VPS26C: variants seen among roughly 807,000 people sequenced by gnomAD.
The protein encoded by VPS26C is vacuolar protein sorting-associated protein 26C.
In VPS26C, 19 loss-of-function variants were observed where a neutral mutation model predicts 30.6. That is an observed-to-expected ratio of 0.62 (90% CI 0.43 to 0.91). VPS26C has a LOEUF of 0.91. VPS26C is among the 40% of genes least tolerant of loss of function. The pLI is 0.00. For missense variants in VPS26C, 318 were observed against 385.1 expected (o/e 0.83, Z 1.46); for synonymous variants, 132 against 151.5 (o/e 0.87, Z 0.95).
At chr21:37,238,696 C>T in intron 2 of VPS26C, 87 bp from the exon 3 acceptor site, 5 of 1,515,356 alleles carry the variant, frequency 3.3e-6, no homozygotes, top group Non-Finnish European at 4.5e-6. Context: ...GACACAGCAC[C>T]CCGACCCCCT....
At chr21:37,250,535 G>A (rs1049352516) in intron 1 of VPS26C, among the ~76,000 whole-genome samples, 2 of 152,024 alleles carry the variant, frequency 1.3e-5, no homozygotes, top group South Asian at 4.1e-4. Flanking sequence ...GATAAACTAG[G>A]TAAAATACCT....
At chr21:37,232,879 G>A (rs1304541410) in intron 4 of VPS26C, among the ~76,000 whole-genome samples, 3 of 152,194 alleles carry the variant, frequency 2.0e-5, no homozygotes, top group Admixed American at 1.3e-4. Context: ...CTGGGGGGCT[G>A]AGCATTGAAC....
chr21:37,227,790 A>T lies in VPS26C; in HGVS notation c.675T>A (p.Tyr225Ter). The change falls in exon 7 of 8, where the codon TAT (tyrosine) becomes TAA (stop). Residue 225 changes from tyrosine to a stop codon, truncating the protein, a stop_gained. Transcript: ENST00000309117. LOFTEE classifies it high-confidence loss of function. ...RVETCGCAEGYARDATEIQNI... is the reference protein window; with the variant it reads ...RVETCGCAEG ...TCTGAATCTCCGTGGCGTCGCGGGCATAGCCTTCTGCACACCCTGCGGGAG... is the reference window on the plus strand; with the variant it reads ...TCTGAATCTCCGTGGCGTCGCGGGCTTAGCCTTCTGCACACCCTGCGGGAG... The T allele has an allele frequency of 6.2e-7, 1 of 1,614,034 alleles. No homozygotes were observed. Among genetic ancestry groups the T allele is most frequent in the East Asian group, 2.2e-5 (1 of 44,876 alleles).
intron 1 of VPS26C, among the ~76,000 whole-genome samples, chr21:37,258,450 C>G (rs1194861099): frequency 1.3e-5 from 2 of 152,250 alleles, no homozygotes; most frequent in African/African-American, 4.8e-5. Context: ...CGCCCCGAAC[C>G]TGATGAACGC....
chr21:37,238,289 A>C, intron 3 of VPS26C, 171 bp downstream of exon 3: 1 of 725,944 alleles, frequency 1.4e-6, no homozygotes, highest in Non-Finnish European at 2.2e-6. Context: ...GCCATACATC[A>C]AATGCATTTA....
chr21:37,233,268 A>G lies in VPS26C; in HGVS notation c.432+94T>C, dbSNP rs115406859. On this transcript the variant is annotated intron_variant, in intron 4 of 7. Transcript: ENST00000309117. This position sits in a 1 kb window ranked among gnomAD's most constrained non-coding sequence, Gnocchi z 5.2. ...TTCTGCCAGCACCCGTGAAACAGTA[A>G]GAGGCTAAATGGTGAGCTTGTAAAT... 3,254 of 1,099,620 alleles carry G rather than the reference A, an allele frequency of 3.0e-3. 58 individuals are homozygous for G. The African/African-American group carries it at 0.041, about 14-fold the overall frequency. The allele number at this position is 1,099,620 out of a possible 1,614,324, so 68.1% of individuals were successfully genotyped here.
chr21:37,250,281 G>T (rs2086178640), intron 1 of VPS26C, among the ~76,000 whole-genome samples: 1 of 151,748 alleles, frequency 6.6e-6, no homozygotes, highest in Non-Finnish European at 1.5e-5. Flanking sequence ...CTCCTGCCTG[G>T]GTGATAGAGT....
chr21:37,264,960 G>C (rs1367473888), intron 1 of VPS26C, among the ~76,000 whole-genome samples: 1 of 152,158 alleles, frequency 6.6e-6, no homozygotes, highest in Non-Finnish European at 1.5e-5. Flanking sequence ...CCACAGAAAG[G>C]AATGAGGAAC....
chr21:37,267,413 G>A, upstream of VPS26C: 3 of 856,260 alleles, frequency 3.5e-6, no homozygotes, highest in East Asian at 2.5e-5. Flanking sequence ...AGTGGCTCAC[G>A]TGACCTCGCA....
In VPS26C at chr21:37,257,887, G is replaced by C. The variant is rs2148306950; in HGVS notation, c.57+9351C>G. 6.6e-6 allele frequency among the ~76,000 whole-genome samples: 1 copy of C among 152,336 alleles called. No homozygotes were observed. The highest frequency in any genetic ancestry group is 1.9e-4 in the East Asian group (1 of 5,174). ...CTGCTGCCTCCGGGTGGGGCACCAA[G>C]CGGGGAGCGGGGCCACGAGGCAGGG... On this transcript the variant is annotated intron_variant, in intron 1 of 7. Coordinates refer to ENST00000309117, the MANE Select transcript of VPS26C (RefSeq NM_006052.2). This position sits in a 1 kb window ranked among gnomAD's most constrained non-coding sequence, Gnocchi z 4.2.
intron 3 of VPS26C, among the ~76,000 whole-genome samples, chr21:37,234,412 A>T (rs1247922176): frequency 6.6e-6 from 1 of 152,188 alleles, no homozygotes; most frequent in African/African-American, 2.4e-5. Flanking sequence ...CTGCAAGGTG[A>T]GCTCTATTCC....
At position 37,233,367 on chromosome 21, in the gene VPS26C, A is replaced by G. The variant is rs2085986560; in HGVS notation, c.427T>C (p.Ser143Pro). 2 of 1,613,768 alleles carry G rather than the reference A, an allele frequency of 1.2e-6. No homozygotes were observed. Among genetic ancestry groups the G allele is most frequent in the Non-Finnish European group, 1.7e-6 (2 of 1,179,746 alleles). ...LTKTCEFIVH[S>P]APQKGKFTPS... Reference sequence around the variant, plus strand: ...AGTCCCCGAGTGAAGCTTACAGCGGAGTGAACGATAAATTCACAGGTCTTT... The same window carrying G: ...AGTCCCCGAGTGAAGCTTACAGCGGGGTGAACGATAAATTCACAGGTCTTT... Residue 143 changes from serine to proline, a missense_variant, in exon 4 of 8, where the codon TCC becomes CCC. Physicochemically the swap from Ser to Pro is moderately conservative, Grantham distance 74. Transcript: ENST00000309117. This position sits in a 1 kb window ranked among gnomAD's most constrained non-coding sequence, Gnocchi z 5.2.
intron 1 of VPS26C, among the ~76,000 whole-genome samples, chr21:37,265,826 G>A (rs773014022): frequency 2.0e-5 from 3 of 151,422 alleles, no homozygotes; most frequent in Non-Finnish European, 4.4e-5. Flanking sequence ...CTCATTAGTT[G>A]TGATGGTGAA....
intron 4 of VPS26C, among the ~76,000 whole-genome samples, chr21:37,232,937 T>C (rs548730592): frequency 6.6e-6 from 1 of 152,320 alleles, no homozygotes; most frequent in African/African-American, 2.4e-5. Context: ...AGCTGTCACC[T>C]GAAGAATCAT....
At chr21:37,261,992 T>TTA (rs2086309246) in intron 1 of VPS26C, 2 of 152,058 alleles carry the variant, frequency 1.3e-5, no homozygotes, top group Admixed American at 1.3e-4. Flanking sequence ...GAGTAGTACT[T>TTA]AGTGGGAAAT....
Position 37,228,122 on chromosome 21 carries a change from C to T in VPS26C, c.658+101G>A, listed in dbSNP as rs562518872. On this transcript the variant is annotated intron_variant, in intron 6 of 7. Coordinates refer to ENST00000309117, the MANE Select transcript of VPS26C (RefSeq NM_006052.2). ...CTGAGTAGCTGGGATTACAGGGGTG[C>T]GCCACTGTGCCCAGCCCCCCAGCAT... 169 of 1,481,698 alleles carry T rather than the reference C, an allele frequency of 1.1e-4. 4 individuals carry two copies. The South Asian group carries it at 2.0e-3, about 17-fold the overall frequency. The allele number at this position is 1,481,698 out of a possible 1,614,324, so 91.8% of individuals were successfully genotyped here. A position where few individuals can be genotyped will look rare whatever the true frequency, so the allele number is the denominator to read the frequency against.
At position 37,248,218 on chromosome 21, in the gene VPS26C, G is replaced by A. The variant is rs367754007; in HGVS notation, c.58-7579C>T. On this transcript the variant is annotated intron_variant, in intron 1 of 7. Transcript: ENST00000309117. ...ACATATCAACAGGGTATAATGAACT[G>A]GCATACATAGATCTCTATACCCTGA... 1.4e-4 allele frequency among the ~76,000 whole-genome samples: 22 copies of A among 151,730 alleles called. No individual in the cohort carries two copies. The South Asian group carries it at 4.4e-3, about 30-fold the overall frequency.
intron 1 of VPS26C, among the ~76,000 whole-genome samples, chr21:37,259,466 G>T (rs943301192): frequency 2.6e-5 from 4 of 152,102 alleles, no homozygotes; most frequent in Non-Finnish European, 5.9e-5. Flanking sequence ...TCATTTTCAT[G>T]AGTACATGTG....
chr21:37,228,105 C>T (rs2085921683), intron 6 of VPS26C, 118 bp downstream of exon 6: 1 of 1,415,556 alleles, frequency 7.1e-7, no homozygotes, highest in Non-Finnish European at 9.5e-7. Flanking sequence ...TCCTGAGTAG[C>T]TGGGATTACA....
Sources: allele counts gnomAD v4.1 joint callset (sites outside exome capture counted in the v4.1 genomes callset), GRCh38; gene constraint gnomAD v4.1.1; non-coding constraint Gnocchi (gnomAD v3.1); transcripts MANE v1.5; gene names NCBI Gene and HGNC (gene_info 2026-07-23, HGNC 2026-07-21).